Variants in STAM2 observed in about 807,000 individuals in gnomAD.
The protein encoded by STAM2 is signal transducing adapter molecule 2.
A neutral mutation model predicts 65.6 loss-of-function variants in STAM2; 51 were observed. The ratio of observed to expected loss-of-function variants is 0.78; its 90% CI spans 0.62 to 0.98. The LOEUF (loss-of-function observed/expected upper bound fraction) is 0.98. STAM2 is among the 50% of genes least tolerant of loss of function. The pLI is 0.00. For missense variants in STAM2, 584 were observed against 617.8 expected, an observed-to-expected ratio of 0.95 and a Z score of 0.58; for synonymous variants, 198 against 208.4, an observed-to-expected ratio of 0.95 and a Z score of 0.43.
intron 12 of STAM2, chr2:152,124,751 T>C (rs2105528266): frequency 6.6e-6 from 1 of 152,320 alleles, no homozygotes; most frequent in South Asian, 2.1e-4. Flanking sequence ...AAATAAGCTA[T>C]ATTAAGTACA....
intron 11 of STAM2, among the ~76,000 whole-genome samples, chr2:152,127,047 G>A (rs1449198254): frequency 2.6e-5 from 4 of 152,150 alleles, no homozygotes; most frequent in East Asian, 1.9e-4. Flanking sequence ...AGGTGAGCAC[G>A]AAAAGGCCAA....
In STAM2 at chr2:152,170,870, C is replaced by T. The variant is rs762199132; in HGVS notation, c.40+4733G>A. On this transcript the variant is annotated intron_variant, in intron 1 of 13. Transcript: ENST00000263904. ...AATTAGCCGAGCATGGTGGTGCGCACCTGTAACCCCAGCTACTCGGGAGGC... is the reference window on the plus strand; with the variant it reads ...AATTAGCCGAGCATGGTGGTGCGCATCTGTAACCCCAGCTACTCGGGAGGC... Among the ~76,000 whole-genome samples the T allele has an allele frequency of 1.5e-4, 23 of 151,698 alleles. 1 individual carries two copies. The highest frequency in any genetic ancestry group is 3.1e-4 in the Non-Finnish European group (21 of 67,910).
rs755674477 is a variant in STAM2, at chr2:152,143,871, T to C, written c.660A>G (p.Glu220=). The change falls in exon 7 of 14, where the codon GAA becomes GAG. Residue 220 remains glutamate (E), a synonymous_variant. Transcript: ENST00000263904. ...TTATTTCACCATGTTTAAAGGTGAG[T>C]TCATTGTCCTCAACAGCTTCAAAAT... ...LYDFEAVEDN[E]LTFKHGEIII... 6.2e-6 allele frequency: 10 copies of C among 1,613,166 alleles called. No homozygotes were observed. Among genetic ancestry groups the C allele is most frequent in the Non-Finnish European group, 8.5e-6 (10 of 1,179,696 alleles).
chr2:152,128,010 T>G (rs1688990485), intron 11 of STAM2, among the ~76,000 whole-genome samples: 1 of 152,262 alleles, frequency 6.6e-6, no homozygotes, highest in Non-Finnish European at 1.5e-5. Flanking sequence ...CTATCAAGAT[T>G]TGTCACTTTT....
chr2:152,174,585 T>C (rs1263074975), intron 1 of STAM2, among the ~76,000 whole-genome samples: 1 of 152,226 alleles, frequency 6.6e-6, no homozygotes, highest in Non-Finnish European at 1.5e-5. Context: ...ATGTTAACTA[T>C]GAAACAGGGG....
chr2:152,145,049 C>T, intron 5 of STAM2, 92 bp from the exon 6 acceptor site: 4 of 946,492 alleles, frequency 4.2e-6, no homozygotes, highest in Admixed American at 1.9e-5. Context: ...TTAAAAAATA[C>T]TGATATAACT....
intron 7 of STAM2, among the ~76,000 whole-genome samples, chr2:152,137,471 T>C (rs1287835598): frequency 2.0e-5 from 3 of 152,208 alleles, no homozygotes; most frequent in African/African-American, 7.2e-5. Context: ...TACTGGATCA[T>C]TTGTCTTTTT....
At position 152,150,139 on chromosome 2, in the gene STAM2, T is replaced by C. The variant is rs1689414500; in HGVS notation, c.125+6A>G. 5 of 1,592,746 alleles carry C rather than the reference T, an allele frequency of 3.1e-6. No individual in the cohort carries two copies. The highest frequency in any genetic ancestry group is 4.3e-6 in the Non-Finnish European group (5 of 1,161,042). ...GACATTCACTGAGCATGACTGGACA[T>C]CTTACCCATTAGGAGTACTTCCAAC... On this transcript the variant is annotated splice_donor_region_variant and intron_variant, in intron 2 of 13. Transcript: ENST00000263904.
intron 1 of STAM2, among the ~76,000 whole-genome samples, chr2:152,160,399 G>A (rs1344450553): frequency 6.6e-6 from 1 of 151,912 alleles, no homozygotes; most frequent in Non-Finnish European, 1.5e-5. Flanking sequence ...TGGGATGTGA[G>A]GAGCGTCTCT....
chr2:152,145,010 G>A (rs1489681175), intron 5 of STAM2, 53 bp from the exon 6 acceptor site: 2 of 1,355,306 alleles, frequency 1.5e-6, no homozygotes, highest in Non-Finnish European at 1.1e-6. Context: ...CAAAACACAA[G>A]CTCCATAATT....
In STAM2 at chr2:152,118,744, G is replaced by T. The variant is rs1379400191; in HGVS notation, c.*1830C>A. The T allele has an allele frequency of 2.0e-5, 3 of 151,726 alleles. No individual in the cohort carries two copies. The highest frequency in any genetic ancestry group is 7.3e-5 in the African/African-American group (3 of 41,348). 9.4% of individuals were successfully genotyped at this position (151,726 alleles called of 1,614,324 possible). ...AAAAATTATTATTTTGTAAATAACAGAAGATTTGTTTCCAAAAAGTAAGGT... is the reference window on the plus strand; with the variant it reads ...AAAAATTATTATTTTGTAAATAACATAAGATTTGTTTCCAAAAAGTAAGGT... On this transcript the variant is annotated 3_prime_UTR_variant, in exon 14 of 14. Transcript: ENST00000263904.
At chr2:152,151,902 C>T (rs1484600176) in intron 1 of STAM2, among the ~76,000 whole-genome samples, 1 of 152,160 alleles carries the variant, frequency 6.6e-6, no homozygotes, top group East Asian at 1.9e-4. Flanking sequence ...CACATTTATT[C>T]ATTCACCAGT....
In STAM2 at chr2:152,135,602, C is replaced by T. The variant is rs1332494812; in HGVS notation, c.706G>A (p.Asp236Asn). 1.2e-6 allele frequency: 2 copies of T among 1,603,854 alleles called. No homozygotes were observed. Among genetic ancestry groups the T allele is most frequent in the Non-Finnish European group, 1.7e-6 (2 of 1,172,950 alleles). ...GEIIIVLDDS[D>N]ANWWKGENHR... The stretch of plus-strand genomic sequence containing the variant: ...TTTTCTCCTTTCCACCAATTGGCAT[C>T]ACTAAAAATACAGTGCAAAAAATAT... The change falls in exon 8 of 14, where the codon GAT becomes AAT. Residue 236 changes from aspartate to asparagine, a missense_variant and splice_region_variant. Physicochemically the swap from Asp to Asn is conservative, Grantham distance 23. Coordinates refer to ENST00000263904, the MANE Select transcript of STAM2 (RefSeq NM_005843.6).
chr2:152,148,302 T>TAAA lies in STAM2; in HGVS notation c.126-5_126-3dup. 2.3e-6 allele frequency: 3 copies of TAAA among 1,300,324 alleles called. No homozygotes were observed. Among genetic ancestry groups the TAAA allele is most frequent in the African/African-American group, 1.5e-5 (1 of 64,742 alleles). 80.5% of individuals were successfully genotyped at this position (1,300,324 alleles called of 1,614,324 possible). Reference sequence around the variant, plus strand: ...ATGGCTTTTAGGCAATCTTTCGCTCTAAAAAAAAAAAGAGAGAGAGAGACA... The same window carrying TAAA: ...ATGGCTTTTAGGCAATCTTTCGCTCTAAAAAAAAAAAAAAGAGAGAGAGAGACA... On this transcript the variant is annotated splice_polypyrimidine_tract_variant and splice_region_variant and intron_variant, in intron 2 of 13. Coordinates refer to ENST00000263904, the MANE Select transcript of STAM2 (RefSeq NM_005843.6).
chr2:152,173,057 GTCTC>G (rs1186299728), intron 1 of STAM2, among the ~76,000 whole-genome samples: 1 of 151,694 alleles, frequency 6.6e-6, no homozygotes, highest in South Asian at 2.1e-4. Context: ...CAGGTCTTAT[GTCTC>G]TCTGTTTCCT....
At chr2:152,143,405 G>C (rs1168854638) in intron 7 of STAM2, among the ~76,000 whole-genome samples, 1 of 152,132 alleles carries the variant, frequency 6.6e-6, no homozygotes, top group Non-Finnish European at 1.5e-5. Flanking sequence ...AAATTCTGAG[G>C]AGAATACAGT....
At chr2:152,159,962 C>G (rs1038740361) in intron 1 of STAM2, among the ~76,000 whole-genome samples, 2 of 152,242 alleles carry the variant, frequency 1.3e-5, no homozygotes, top group African/African-American at 4.8e-5. Flanking sequence ...AGCTCCTAAC[C>G]GCGAGTGATC....
intron 1 of STAM2, among the ~76,000 whole-genome samples, chr2:152,160,400 G>A (rs1451540156): frequency 2.6e-5 from 4 of 151,690 alleles, no homozygotes; most frequent in Admixed American, 1.3e-4. Context: ...GGGATGTGAG[G>A]AGCGTCTCTG....
intron 12 of STAM2, chr2:152,124,752 A>G (rs1297201871): frequency 6.6e-6 from 1 of 152,234 alleles, no homozygotes; most frequent in African/African-American, 2.4e-5. Flanking sequence ...AATAAGCTAT[A>G]TTAAGTACAA....
Sources: allele counts gnomAD v4.1 joint callset (sites outside exome capture counted in the v4.1 genomes callset), GRCh38; gene constraint gnomAD v4.1.1; transcripts MANE v1.5; gene names NCBI Gene and HGNC (gene_info 2026-07-23, HGNC 2026-07-21).